The following C4orf50 variants were observed in gnomAD, a reference collection of about 807,000 sequenced individuals.
C4orf50 encodes uncharacterized protein C4orf50.
A neutral mutation model predicts 77.2 loss-of-function variants in C4orf50; 80 were observed. The observed-to-expected ratio is 1.04, with a 90% confidence interval of 0.87 to 1.25. The LOEUF is 1.25. C4orf50 is among the 50% of genes most tolerant of loss of function. The probability of loss-of-function intolerance (pLI) is 0.00; values close to 1 mark genes in which losing one functional copy is unlikely to be tolerated. For missense variants in C4orf50, 1,257 were observed against 1,152.9 expected, an observed-to-expected ratio of 1.09 and a Z score of -1.31; for synonymous variants, 532 against 465.3, an observed-to-expected ratio of 1.14 and a Z score of -1.84.
exon 26 of C4orf50, chr4:5,994,382 C>T (rs1721460774): frequency 7.5e-6 from 3 of 399,328 alleles, no homozygotes; most frequent in Non-Finnish European, 1.3e-5. Context: ...ATCATTGGAC[C>T]GCAGGGAGTT....
At chr4:6,016,238 CAAT>C (rs901439238) in intron 23 of C4orf50, among the ~76,000 whole-genome samples, 17 of 152,202 alleles carry the variant, frequency 1.1e-4, no homozygotes, top group Admixed American at 2.6e-4. Flanking sequence ...TTATTTGTAT[CAAT>C]TAGCCTATGG....
At chr4:5,964,910 C>A in intron 33 of C4orf50, 114 bp downstream of exon 11, 5 of 880,610 alleles carry the variant, frequency 5.7e-6, no homozygotes, top group East Asian at 5.6e-5. Flanking sequence ...TATTTCTTGA[C>A]CTGGTGGTGG....
chr4:5,926,256 C>T (rs1264084162), intron 7 of C4orf50, among the ~76,000 whole-genome samples: 2 of 152,134 alleles, frequency 1.3e-5, no homozygotes, highest in South Asian at 2.1e-4. Flanking sequence ...TATTTAGCCA[C>T]GAGAAGGAAT....
chr4:5,951,235 CAA>C (rs1201944447), intron 7 of C4orf50, among the ~76,000 whole-genome samples: 3 of 152,182 alleles, frequency 2.0e-5, no homozygotes, highest in Non-Finnish European at 4.4e-5. Context: ...GTTTTCTGTA[CAA>C]AGTTGAGAGA....
At chr4:5,972,253 C>T (rs1304403122) in intron 31 of C4orf50, among the ~76,000 whole-genome samples, 1 of 152,074 alleles carries the variant, frequency 6.6e-6, no homozygotes, top group East Asian at 1.9e-4. Context: ...TCTGTCCGCC[C>T]CGGCCTCCCA....
intron 33 of C4orf50, among the ~76,000 whole-genome samples, chr4:5,962,174 C>G (rs1719311086): frequency 6.6e-6 from 1 of 152,200 alleles, no homozygotes; most frequent in Non-Finnish European, 1.5e-5. Flanking sequence ...ATTCACCCAA[C>G]AAGTGCTTCT....
At position 5,915,590 on chromosome 4, in the gene C4orf50, G is replaced by A. The variant is rs188531643; in HGVS notation, c.*2475-17402C>T. Reference sequence around the variant, plus strand: ...CACAGCAGCCACCTTGTGACATGAGGCAGTGACCACCAGGAAGAAAGGCTA... The same window carrying A: ...CACAGCAGCCACCTTGTGACATGAGACAGTGACCACCAGGAAGAAAGGCTA... On this transcript the variant is annotated intron_variant, in intron 7 of 7. Coordinates refer to the C4orf50 transcript ENST00000324058. Among the ~76,000 whole-genome samples, 500 of 152,304 alleles carry A rather than the reference G, an allele frequency of 3.3e-3. 2 individuals are homozygous for A. Among genetic ancestry groups the A allele is most frequent in the Middle Eastern group, 0.01 (3 of 294 alleles).
chr4:6,017,407 A>T lies in C4orf50; in HGVS notation c.287+738T>A, dbSNP rs1203153042. 6.6e-6 allele frequency among the ~76,000 whole-genome samples: 1 copy of T among 152,228 alleles called. No individual in the cohort carries two copies. Among genetic ancestry groups the T allele is most frequent in the Non-Finnish European group, 1.5e-5 (1 of 68,040 alleles). On this transcript the variant is annotated intron_variant, in intron 23 of 33. Coordinates refer to ENST00000531445, the Ensembl canonical transcript of C4orf50. The surrounding 1 kb of genome is among the most constrained non-coding windows in gnomAD (Gnocchi z 4.7). ...CAGTGGGAGATGTCACTGTGGGAAC[A>T]AGAGTGACTTTATTTTAAACGCTAA... is the stretch of plus-strand genomic sequence containing the variant.
chr4:5,938,816 A>C lies in C4orf50; in HGVS notation c.*2474+18085T>G, dbSNP rs190990733. ...TTTTCTTTTTTTTTTTTATCATTTAAGACAAATGATGTGTCTTTTCCACCT... is the reference window on the plus strand; with the variant it reads ...TTTTCTTTTTTTTTTTTATCATTTACGACAAATGATGTGTCTTTTCCACCT... On this transcript the variant is annotated intron_variant, in intron 7 of 7. Transcript: ENST00000324058. Among the ~76,000 whole-genome samples the C allele has an allele frequency of 4.9e-3, 744 of 151,920 alleles. 9 individuals carry two copies. Among genetic ancestry groups the C allele is most frequent in the African/African-American group, 0.017 (709 of 41,460 alleles).
chr4:5,928,536 C>T (rs555717453), intron 7 of C4orf50, among the ~76,000 whole-genome samples: 10 of 152,132 alleles, frequency 6.6e-5, no homozygotes, highest in African/African-American at 9.7e-5. Flanking sequence ...CTGACAGGGA[C>T]GGGCACGGAG....
chr4:6,010,089 A>G (rs922949769), intron 24 of C4orf50, among the ~76,000 whole-genome samples: 8 of 152,166 alleles, frequency 5.3e-5, no homozygotes, highest in Non-Finnish European at 1.0e-4. Context: ...CACTGTGAAC[A>G]TCATTACAGG....
chr4:5,955,509 C>T (rs1718915894), downstream of C4orf50, among the ~76,000 whole-genome samples: 1 of 152,180 alleles, frequency 6.6e-6, no homozygotes, highest in South Asian at 2.1e-4. The surrounding 1 kb of genome is among the most constrained non-coding windows in gnomAD (Gnocchi z 5.1). Context: ...CTGTAATTTC[C>T]ATTTTCCCAG....
intron 23 of C4orf50, among the ~76,000 whole-genome samples, chr4:6,016,023 A>G (rs1722672765): frequency 6.6e-6 from 1 of 152,170 alleles, no homozygotes; most frequent in Non-Finnish European, 1.5e-5. Flanking sequence ...AGCTGCCGGG[A>G]GAGGCCTCAG....
intron 7 of C4orf50, among the ~76,000 whole-genome samples, chr4:5,940,695 C>A (rs1045003327): frequency 6.6e-6 from 1 of 152,190 alleles, no homozygotes; most frequent in Admixed American, 6.5e-5. Context: ...GTCTGGTTCT[C>A]CACACCCTGG....
In C4orf50 at chr4:6,008,884, T is replaced by C. The variant is rs757726191; in HGVS notation, c.427-352A>G. 1.3e-5 allele frequency among the ~76,000 whole-genome samples: 2 copies of C among 152,038 alleles called. No homozygotes were observed. Among genetic ancestry groups the C allele is most frequent in the Admixed American group, 6.6e-5 (1 of 15,264 alleles). ...GATACTGAATACGTCCGCACCTGAGTGCACACAGCTGCTCCAGAGCCTCCC... is the reference window on the plus strand; with the variant it reads ...GATACTGAATACGTCCGCACCTGAGCGCACACAGCTGCTCCAGAGCCTCCC... On this transcript the variant is annotated intron_variant, in intron 24 of 33. Transcript: ENST00000531445. The surrounding 1 kb of genome is among the most constrained non-coding windows in gnomAD (Gnocchi z 6.0).
chr4:5,931,370 C>T (rs1717760318), intron 7 of C4orf50, among the ~76,000 whole-genome samples: 1 of 152,204 alleles, frequency 6.6e-6, no homozygotes, highest in Non-Finnish European at 1.5e-5. Flanking sequence ...TAGAAGAACA[C>T]ATCTTTGCAT....
downstream of C4orf50, among the ~76,000 whole-genome samples, chr4:5,954,714 T>C (rs924978271): frequency 4.6e-5 from 7 of 152,100 alleles, no homozygotes; most frequent in African/African-American, 1.7e-4. This position sits in a 1 kb window ranked among gnomAD's most constrained non-coding sequence, Gnocchi z 4.7. Context: ...ATGCAAATTC[T>C]TCCAGATAAA....
intron 7 of C4orf50, chr4:5,898,408 G>C (rs1319027590): frequency 2.0e-5 from 3 of 152,210 alleles, no homozygotes; most frequent in East Asian, 3.9e-4. Flanking sequence ...CATGCTGAGT[G>C]CTTTAAGAAG....
At chr4:5,928,053 G>A (rs1160371195) in intron 7 of C4orf50, among the ~76,000 whole-genome samples, 2 of 152,240 alleles carry the variant, frequency 1.3e-5, no homozygotes, top group African/African-American at 2.4e-5. Flanking sequence ...CTGCAAATAC[G>A]GAGCTCACAT....
Sources: allele counts gnomAD v4.1 joint callset (sites outside exome capture counted in the v4.1 genomes callset), GRCh38; gene constraint gnomAD v4.1.1; non-coding constraint Gnocchi (gnomAD v3.1); transcripts MANE v1.5; gene names NCBI Gene and HGNC (gene_info 2026-07-23, HGNC 2026-07-21).